SHANK2: variants seen among roughly 807,000 people sequenced by gnomAD.
SHANK2 encodes the protein SH3 and multiple ankyrin repeat domains protein 2.
Under a neutral mutation model 133.7 loss-of-function variants are expected in SHANK2, and 43 were observed. That is an observed-to-expected ratio of 0.32 (90% CI 0.25 to 0.41). The LOEUF is 0.41. Ranked by LOEUF, SHANK2 falls within the 10% of genes least tolerant of loss-of-function variation. The pLI, the probability that SHANK2 is intolerant of heterozygous loss-of-function variation, is 1.00. For missense variants in SHANK2, 1,994 were observed against 2,235.8 expected, an observed-to-expected ratio of 0.89 and a Z score of 2.18; for synonymous variants, 1,017 against 952.8, an observed-to-expected ratio of 1.07 and a Z score of -1.24.
Position 70,486,505 on chromosome 11 carries a change from G to A in SHANK2, c.3788C>T (p.Thr1263Met), listed in dbSNP as rs1179142044. The change falls in exon 25 of 26, where the codon ACG becomes ATG. Residue 1263 changes from threonine (T) to methionine (M), a missense_variant. Transcript: ENST00000601538. The surrounding 1 kb of genome is among the most constrained non-coding windows in gnomAD (Gnocchi z 8.0). ...MRPSLDAGFP[T>M]VTRQNTRGPL... Reference sequence around the variant, plus strand: ...TCCCCGGGTGTTCTGCCTGGTGACCGTAGGGAAGCCGGCATCCAGGCTGGG... The same window carrying A: ...TCCCCGGGTGTTCTGCCTGGTGACCATAGGGAAGCCGGCATCCAGGCTGGG... 3 of 1,613,998 alleles carry A rather than the reference G, an allele frequency of 1.9e-6. No individual in the cohort carries two copies. Among genetic ancestry groups the A allele is most frequent in the East Asian group, 2.2e-5 (1 of 44,876 alleles).
intron 11 of SHANK2, chr11:70,872,904 C>T (rs982901735): frequency 1.6e-4 from 69 of 426,794 alleles, no homozygotes; most frequent in South Asian, 9.4e-4. Context: ...CCCAGCTCCT[C>T]GGGGCAGGAG....
chr11:70,512,877 T>A (rs1333537445), intron 17 of SHANK2, among the ~76,000 whole-genome samples: 1 of 152,222 alleles, frequency 6.6e-6, no homozygotes, highest in Non-Finnish European at 1.5e-5. Context: ...TTTTGAGACA[T>A]TGACTATTTG....
At chr11:70,784,296 C>T (rs1555045906) in intron 14 of SHANK2, among the ~76,000 whole-genome samples, 1 of 150,360 alleles carries the variant, frequency 6.7e-6, no homozygotes, top group Non-Finnish European at 1.5e-5. Flanking sequence ...TGTGCCTCGG[C>T]CCCCCAAGTA....
intron 15 of SHANK2, among the ~76,000 whole-genome samples, chr11:70,666,769 C>T (rs1200263310): frequency 1.3e-5 from 2 of 152,180 alleles, no homozygotes; most frequent in African/African-American, 2.4e-5. Flanking sequence ...TGATCACGTG[C>T]CTGAAGTAGG....
At chr11:70,771,083 C>A (rs1416478826) in intron 14 of SHANK2, among the ~76,000 whole-genome samples, 1 of 152,074 alleles carries the variant, frequency 6.6e-6, no homozygotes, top group African/African-American at 2.4e-5. Context: ...TGCCATCACA[C>A]CTGGCTAATT....
At chr11:71,093,276 A>G (rs1951550856) in intron 7 of SHANK2, among the ~76,000 whole-genome samples, 1 of 152,132 alleles carries the variant, frequency 6.6e-6, no homozygotes, top group South Asian at 2.1e-4. Context: ...GGTTTAACCT[A>G]CATGCCCAGT....
chr11:70,909,665 G>A (rs1278159065), intron 10 of SHANK2, among the ~76,000 whole-genome samples: 2 of 152,150 alleles, frequency 1.3e-5, no homozygotes, highest in Non-Finnish European at 2.9e-5. Flanking sequence ...GAGAAGGCAG[G>A]CATTACACAC....
intron 12 of SHANK2, among the ~76,000 whole-genome samples, chr11:70,813,348 C>A (rs1003485709): frequency 6.6e-6 from 1 of 152,134 alleles, no homozygotes; most frequent in Non-Finnish European, 1.5e-5. Flanking sequence ...ATGGATGCCA[C>A]ACGGCGCAGT....
chr11:71,089,474 G>A (rs1175003599), intron 8 of SHANK2, among the ~76,000 whole-genome samples: 5 of 151,738 alleles, frequency 3.3e-5, no homozygotes, highest in African/African-American at 1.2e-4. Flanking sequence ...ATTTATGTTC[G>A]TCTTTCTATC....
Position 70,916,608 on chromosome 11 carries a change from G to A in SHANK2, c.1108-20041C>T, listed in dbSNP as rs74370574. Among the ~76,000 whole-genome samples the A allele has an allele frequency of 7.2e-3, 1,091 of 152,254 alleles. 15 individuals are homozygous for A. Among genetic ancestry groups the A allele is most frequent in the African/African-American group, 0.025 (1,040 of 41,546 alleles). On this transcript the variant is annotated intron_variant, in intron 10 of 25. Coordinates refer to ENST00000601538, the MANE Select transcript of SHANK2 (RefSeq NM_012309.5). ...ATGGAGCATGATTCACCGGCAAGAG[G>A]ATGATGACCTAATTATCCACCTGTG...
chr11:70,816,409 G>C (rs1948398077), intron 12 of SHANK2, among the ~76,000 whole-genome samples: 1 of 152,218 alleles, frequency 6.6e-6, no homozygotes, highest in Admixed American at 6.5e-5. Flanking sequence ...CCTTCAGACA[G>C]GAGGAAGTGG....
intron 17 of SHANK2, among the ~76,000 whole-genome samples, chr11:70,586,065 A>G (rs1565153448): frequency 6.6e-6 from 1 of 152,172 alleles, no homozygotes; most frequent in Non-Finnish European, 1.5e-5. Flanking sequence ...GTGACAACTG[A>G]ACAAGTAGCC....
At chr11:71,102,420 G>A (rs145036614) in intron 6 of SHANK2, among the ~76,000 whole-genome samples, 99 of 152,224 alleles carry the variant, frequency 6.5e-4, no homozygotes, top group Admixed American at 4.8e-3. Flanking sequence ...GCTTCCCTCC[G>A]CTCCGGCCCC....
At chr11:70,860,841 C>G (rs1289856095) in intron 11 of SHANK2, among the ~76,000 whole-genome samples, 1 of 152,126 alleles carries the variant, frequency 6.6e-6, no homozygotes, top group Non-Finnish European at 1.5e-5. Context: ...GGCAACATGG[C>G]AAAATCCCAT....
At chr11:71,065,886 GA>G (rs1951049253) in intron 9 of SHANK2, among the ~76,000 whole-genome samples, 2 of 107,062 alleles carry the variant, frequency 1.9e-5, no homozygotes, top group Non-Finnish European at 3.9e-5. Flanking sequence ...AGTTGGGGGG[GA>G]TACAGAACTC....
chr11:70,737,603 G>C (rs958267368), intron 14 of SHANK2, among the ~76,000 whole-genome samples: 11 of 152,218 alleles, frequency 7.2e-5, no homozygotes, highest in African/African-American at 2.4e-4. Context: ...CCAGGAGACT[G>C]TCTGCAAAGG....
intron 14 of SHANK2, among the ~76,000 whole-genome samples, chr11:70,730,370 G>A (rs993075234): frequency 2.0e-5 from 3 of 152,000 alleles, no homozygotes; most frequent in South Asian, 4.2e-4. Flanking sequence ...CCCCACTCAC[G>A]CCCAATTGTC....
rs1057033051 is a variant in SHANK2 at position 70,511,731 on chromosome 11, C to T, written c.2062-8800G>A. On this transcript the variant is annotated intron_variant, in intron 17 of 25. Coordinates refer to ENST00000601538, the MANE Select transcript of SHANK2 (RefSeq NM_012309.5). ...TTACATACAGACATGGAGACATTTA[C>T]AGAGTGAGTGAATCACAGCCACATC... Among the ~76,000 whole-genome samples, 8 of 152,232 alleles carry T rather than the reference C, an allele frequency of 5.3e-5. No individual in the cohort carries two copies. In the East Asian group the frequency reaches 1.5e-3, roughly 29 times the overall value.
At chr11:70,580,088 T>C (rs1044517669) in intron 17 of SHANK2, among the ~76,000 whole-genome samples, 2 of 152,190 alleles carry the variant, frequency 1.3e-5, no homozygotes, top group Non-Finnish European at 2.9e-5. Context: ...GCCACCAGGT[T>C]CGTGGTGACT....
Sources: allele counts gnomAD v4.1 joint callset (sites outside exome capture counted in the v4.1 genomes callset), GRCh38; gene constraint gnomAD v4.1.1; non-coding constraint Gnocchi (gnomAD v3.1); transcripts MANE v1.5; gene names NCBI Gene and HGNC (gene_info 2026-07-23, HGNC 2026-07-21).